NLGN4Y: variants seen among roughly 807,000 people sequenced by gnomAD.
NLGN4Y encodes neuroligin 4 Y-linked.
In NLGN4Y, 4 loss-of-function variants were observed where a neutral mutation model predicts 8.4. That is an observed-to-expected ratio of 0.48 (90% CI 0.23 to 1.09). The LOEUF (loss-of-function observed/expected upper bound fraction) is 1.09. Among genes scored for constraint, NLGN4Y ranks in the 50% least tolerant of loss-of-function variants. NLGN4Y has a pLI of 0.19. For missense variants in NLGN4Y, 90 were observed against 192.3 expected (o/e 0.47, Z 3.15); for synonymous variants, 35 against 75.6 (o/e 0.46, Z 2.78).
At chrY:14,757,006 C>G (rs2081062804) in intron 4 of NLGN4Y, among the ~76,000 whole-genome samples, 1 of 25,029 alleles carries the variant, frequency 4.0e-5, no homozygotes, top group Admixed American at 4.2e-4. Context: ...GTTTATTAAT[C>G]TGATTAGAAT....
At chrY:14,824,459 A>G in intron 5 of NLGN4Y, 86 bp downstream of exon 5, 1 of 296,692 alleles carries the variant, frequency 3.4e-6, no homozygotes, top group Non-Finnish European at 5.1e-6. Context: ...ATTCATGTCC[A>G]GGTTGCCAGA....
chrY:14,622,143 A>G lies in NLGN4Y; in HGVS notation c.24A>G (p.Leu8=). The G allele has an allele frequency of 7.5e-6, 3 of 398,240 alleles. No homozygotes were observed. The highest frequency in any genetic ancestry group is 7.4e-5 in the Admixed American group (1 of 13,560). ...CCATGTTGCGTCCCCAGGGACTGCTATGGCTCCCTTTGTTGTTCACCTCTG... is the reference window on the plus strand; with the variant it reads ...CCATGTTGCGTCCCCAGGGACTGCTGTGGCTCCCTTTGTTGTTCACCTCTG... The part of the protein sequence containing the change: MLRPQGL[L]WLPLLFTSVC... Residue 8 remains leucine, a synonymous_variant, in exon 2 of 7, where the codon CTA becomes CTG. Transcript: ENST00000684976.
chrY:14,709,038 G>A (rs762939054), intron 2 of NLGN4Y, among the ~76,000 whole-genome samples: 1 of 33,250 alleles, frequency 3.0e-5, no homozygotes, highest in Non-Finnish European at 7.4e-5. Context: ...AGAGTTGCAT[G>A]TAGATATGTT....
At chrY:14,588,631 A>G in intron 1 of NLGN4Y, among the ~76,000 whole-genome samples, 1 of 33,755 alleles carries the variant, frequency 3.0e-5, no homozygotes, top group Admixed American at 2.7e-4. Context: ...ACAGGTGTGT[A>G]TATTCATATA....
chrY:14,575,101 C>A, intron 1 of NLGN4Y, among the ~76,000 whole-genome samples: 1 of 32,401 alleles, frequency 3.1e-5, no homozygotes, highest in Admixed American at 2.9e-4. Context: ...ATCTTTGTGG[C>A]GTTCTCTGTA....
At chrY:14,828,501 G>C in intron 5 of NLGN4Y, among the ~76,000 whole-genome samples, 1 of 32,111 alleles carries the variant, frequency 3.1e-5, no homozygotes, top group Non-Finnish European at 7.6e-5. Context: ...TTTTCTTTTG[G>C]ACATTTTAAA....
At chrY:14,799,544 T>C in intron 4 of NLGN4Y, among the ~76,000 whole-genome samples, 1 of 33,540 alleles carries the variant, frequency 3.0e-5, no homozygotes, top group African/African-American at 1.2e-4. Context: ...TTTATTAGTA[T>C]TTTTCCCAAC....
intron 2 of NLGN4Y, among the ~76,000 whole-genome samples, chrY:14,664,278 A>G: frequency 3.0e-5 from 1 of 33,019 alleles, no homozygotes; most frequent in Non-Finnish European, 7.5e-5. Context: ...CTTTTCCTTA[A>G]TTGTTTAATT....
At chrY:14,787,833 A>T in intron 4 of NLGN4Y, among the ~76,000 whole-genome samples, 2 of 33,480 alleles carry the variant, frequency 6.0e-5, no homozygotes, top group African/African-American at 2.3e-4. Context: ...GGCCTATCTC[A>T]GTTCTTAGAT....
At chrY:14,677,538 G>A (rs755435305) in intron 2 of NLGN4Y, among the ~76,000 whole-genome samples, 170 of 32,218 alleles carry the variant, frequency 5.3e-3, no homozygotes, top group African/African-American at 0.02. Context: ...CTTCTAATAG[G>A]CTGTATATAG....
intron 1 of NLGN4Y, among the ~76,000 whole-genome samples, chrY:14,611,299 G>T: frequency 3.3e-5 from 1 of 30,107 alleles, no homozygotes; most frequent in African/African-American, 1.4e-4. Context: ...AGTTGATGCT[G>T]TTTCTTTATA....
At chrY:14,696,190 G>A in intron 2 of NLGN4Y, among the ~76,000 whole-genome samples, 1 of 32,926 alleles carries the variant, frequency 3.0e-5, no homozygotes, top group Non-Finnish European at 7.5e-5. Context: ...CATACTCACA[G>A]GATGACTTCT....
chrY:14,680,488 A>G, intron 2 of NLGN4Y, among the ~76,000 whole-genome samples: 1 of 33,066 alleles, frequency 3.0e-5, no homozygotes, highest in Non-Finnish European at 7.5e-5. Context: ...CTCAGTAAAT[A>G]TAAGTATCCT....
chrY:14,740,459 C>T, intron 4 of NLGN4Y, among the ~76,000 whole-genome samples: 3 of 33,704 alleles, frequency 8.9e-5, no homozygotes, highest in South Asian at 6.5e-4. Context: ...AGAGTAATGA[C>T]GTTCTCAGCA....
At chrY:14,598,952 G>A in intron 1 of NLGN4Y, among the ~76,000 whole-genome samples, 1 of 25,601 alleles carries the variant, frequency 3.9e-5, no homozygotes, top group Non-Finnish European at 8.8e-5. Flanking sequence ...GTGTGTGTGT[G>A]TCTGTGTGTG....
At chrY:14,801,490 C>A (rs1603504189) in intron 4 of NLGN4Y, 1 of 16,466 alleles carries the variant, frequency 6.1e-5, no homozygotes, top group Admixed American at 7.6e-4. Context: ...CAAAGACGTT[C>A]AAATACTGAA....
chrY:14,753,232 G>A (rs2081046997), intron 4 of NLGN4Y, among the ~76,000 whole-genome samples: 1 of 30,793 alleles, frequency 3.2e-5, no homozygotes, highest in East Asian at 8.2e-4. Flanking sequence ...TCTGCCTCCT[G>A]GGTTCAAGCA....
chrY:14,690,075 T>A (rs2080804630), intron 2 of NLGN4Y, among the ~76,000 whole-genome samples: 2 of 33,203 alleles, frequency 6.0e-5, no homozygotes, highest in Non-Finnish European at 1.5e-4. Context: ...ATCCCCATCA[T>A]GGAAATGACA....
chrY:14,699,776 T>C, intron 2 of NLGN4Y, among the ~76,000 whole-genome samples: 1 of 32,530 alleles, frequency 3.1e-5, no homozygotes, highest in Non-Finnish European at 7.5e-5. Flanking sequence ...AACATGCTTT[T>C]TTTAATGAAA....
Sources: gnomAD v4.1 joint callset for allele counts (sites outside exome capture counted in the v4.1 genomes callset) on GRCh38, gnomAD v4.1.1 for gene constraint, MANE v1.5 for transcripts, NCBI Gene and HGNC (gene_info 2026-07-23, HGNC 2026-07-21) for gene names.